The following SPATS2 variants were observed in gnomAD, a reference collection of about 807,000 sequenced individuals.
SPATS2 encodes spermatogenesis-associated serine-rich protein 2.
Under a neutral mutation model 63.7 loss-of-function variants are expected in SPATS2, and 38 were observed. The ratio of observed to expected loss-of-function variants is 0.60; its 90% CI spans 0.46 to 0.78. SPATS2 has a LOEUF of 0.78. SPATS2 is among the 30% of genes least tolerant of loss of function. The probability of loss-of-function intolerance (pLI) is 0.00; values close to 1 mark genes in which losing one functional copy is unlikely to be tolerated. For synonymous variants in SPATS2, 207 were observed against 232.9 expected, an observed-to-expected ratio of 0.89 and a Z score of 1.01; for missense variants, 588 against 666.2, an observed-to-expected ratio of 0.88 and a Z score of 1.29.
intron 9 of SPATS2, among the ~76,000 whole-genome samples, chr12:49,507,213 AAGG>A (rs1946668988): frequency 6.6e-6 from 1 of 152,198 alleles, no homozygotes; most frequent in Non-Finnish European, 1.5e-5. Context: ...AGTAGCGGGA[AAGG>A]TTTTAAGATT....
intron 9 of SPATS2, among the ~76,000 whole-genome samples, chr12:49,500,699 G>A (rs1946551418): frequency 1.3e-5 from 2 of 152,154 alleles, no homozygotes; most frequent in South Asian, 2.1e-4. Flanking sequence ...GTGAACCCGG[G>A]AGGCGGAGCT....
intron 2 of SPATS2, among the ~76,000 whole-genome samples, chr12:49,397,027 C>G (rs1204227794): frequency 6.6e-6 from 1 of 152,174 alleles, no homozygotes; most frequent in Middle Eastern, 3.2e-3. Context: ...CATTCCTACC[C>G]ATGCTACCTG....
chr12:49,471,443 CA>C (rs1229786091), intron 3 of SPATS2, among the ~76,000 whole-genome samples: 1 of 152,198 alleles, frequency 6.6e-6, no homozygotes, highest in African/African-American at 2.4e-5. Flanking sequence ...CTCAAGCGAT[CA>C]TCCTGCCTTA....
intron 3 of SPATS2, 170 bp downstream of exon 3, chr12:49,461,207 A>G: frequency 2.9e-6 from 2 of 688,982 alleles, no homozygotes; most frequent in Non-Finnish European, 2.4e-6. Context: ...AATTCATATA[A>G]CAATAGCTTT....
intron 2 of SPATS2, among the ~76,000 whole-genome samples, chr12:49,371,613 G>A (rs1162647296): frequency 6.6e-6 from 1 of 152,182 alleles, no homozygotes; most frequent in Non-Finnish European, 1.5e-5. Flanking sequence ...AAGAAAAGAG[G>A]TTGAATTGGC....
At position 49,447,439 on chromosome 12, in the gene SPATS2, A is replaced by T. The variant is rs373448325; in HGVS notation, c.-243-13331A>T. On this transcript the variant is annotated intron_variant, in intron 2 of 13. Coordinates refer to ENST00000552918, the MANE Select transcript of SPATS2 (RefSeq NM_023071.4). ...TTTTTAGTAGAGATGGGGTTTCACC[A>T]TGTGAGCCAGGATGGTCTCAATCTC... 4.7e-4 allele frequency among the ~76,000 whole-genome samples: 71 copies of T among 151,954 alleles called. No individual in the cohort carries two copies. The South Asian group carries it at 0.012, about 26-fold the overall frequency.
chr12:49,400,128 A>G (rs958864398), intron 2 of SPATS2, among the ~76,000 whole-genome samples: 2 of 152,190 alleles, frequency 1.3e-5, no homozygotes, highest in Non-Finnish European at 2.9e-5. Flanking sequence ...TTGAGTTTAT[A>G]TTCTGGGGAG....
At position 49,428,676 on chromosome 12, in the gene SPATS2, A is replaced by T. The variant is rs773067601; in HGVS notation, c.-243-32094A>T. Reference sequence around the variant, plus strand: ...TTTATCATCAGTATTGGCACATAGTAGGTTTATGTTAAATAACAGTTGATC... The same window carrying T: ...TTTATCATCAGTATTGGCACATAGTTGGTTTATGTTAAATAACAGTTGATC... On this transcript the variant is annotated intron_variant, in intron 2 of 13. Coordinates refer to ENST00000552918, the MANE Select transcript of SPATS2 (RefSeq NM_023071.4). Among the ~76,000 whole-genome samples, 60 of 152,336 alleles carry T rather than the reference A, an allele frequency of 3.9e-4. No individual in the cohort carries two copies. The Middle Eastern group carries it at 0.01, about 26-fold the overall frequency.
chr12:49,420,758 A>G (rs922647965), intron 2 of SPATS2, among the ~76,000 whole-genome samples: 1 of 152,152 alleles, frequency 6.6e-6, no homozygotes, highest in African/African-American at 2.4e-5. Flanking sequence ...TCACACCCAT[A>G]ATCCTAACAC....
rs1282816981 is a variant in SPATS2 at position 49,372,937 on chromosome 12, G to GTT, written c.-244+1650_-244+1651dup. On this transcript the variant is annotated intron_variant, in intron 2 of 13. Transcript: ENST00000552918. Reference sequence around the variant, plus strand: ...AGCCTAGCCTCTCATTTGATTTTCTGTTTTGTGTGTGTGTGTGTGTGTGTG... The same window carrying GTT: ...AGCCTAGCCTCTCATTTGATTTTCTGTTTTTTGTGTGTGTGTGTGTGTGTGTG... 2.6e-4 allele frequency among the ~76,000 whole-genome samples: 33 copies of GTT among 128,128 alleles called. No homozygotes were observed. The East Asian group carries it at 3.8e-3, about 15-fold the overall frequency. The allele number at this position is 128,128 out of a possible 152,430, so 84.1% of individuals were successfully genotyped here.
At chr12:49,469,560 A>AG (rs753647589) in intron 3 of SPATS2, 14 of 431,952 alleles carry the variant, frequency 3.2e-5, no homozygotes, top group East Asian at 7.0e-5. Context: ...AAAAAAAAAA[A>AG]AAAAGAAAAA....
chr12:49,368,474 TG>T (rs1426008835), intron 1 of SPATS2, among the ~76,000 whole-genome samples: 1 of 152,250 alleles, frequency 6.6e-6, no homozygotes, highest in Non-Finnish European at 1.5e-5. Context: ...CTTGGTTGTT[TG>T]TTTTCAGTTT....
At chr12:49,431,414 A>G (rs1945183595) in intron 2 of SPATS2, among the ~76,000 whole-genome samples, 1 of 151,922 alleles carries the variant, frequency 6.6e-6, no homozygotes, top group Admixed American at 6.6e-5. Context: ...ACGCCCAGCT[A>G]ATCTTTTGCT....
intron 2 of SPATS2, among the ~76,000 whole-genome samples, chr12:49,419,290 C>G (rs1944940744): frequency 6.6e-6 from 1 of 152,174 alleles, no homozygotes; most frequent in African/African-American, 2.4e-5. Flanking sequence ...CAAATTATTT[C>G]CAATCTAAAT....
At chr12:49,459,966 G>A (rs1945792559) in intron 2 of SPATS2, among the ~76,000 whole-genome samples, 1 of 150,092 alleles carries the variant, frequency 6.7e-6, no homozygotes, top group Non-Finnish European at 1.5e-5. Flanking sequence ...AAATTAGCCA[G>A]GTGTGGTGGC....
At chr12:49,454,492 T>C (rs1314124147) in intron 2 of SPATS2, 1 of 152,244 alleles carries the variant, frequency 6.6e-6, no homozygotes, top group Non-Finnish European at 1.5e-5. Context: ...GTTCTTTGAA[T>C]GCAAAAAACA....
chr12:49,376,394 C>T (rs889985641), intron 2 of SPATS2, among the ~76,000 whole-genome samples: 26 of 151,612 alleles, frequency 1.7e-4, no homozygotes, highest in African/African-American at 2.4e-4. Flanking sequence ...TGAGCTATCA[C>T]GCCCGCCCCT....
chr12:49,461,635 A>G (rs1945824204), intron 3 of SPATS2, among the ~76,000 whole-genome samples: 1 of 152,250 alleles, frequency 6.6e-6, no homozygotes, highest in South Asian at 2.1e-4. Context: ...GATTAAAAGA[A>G]TGATCATAGA....
At position 49,526,174 on chromosome 12, in the gene SPATS2, C is replaced by T. The variant is rs746539363; in HGVS notation, c.1557C>T (p.Pro519=). ...GTNGTGVSME[P]SPPTPSFKKG... ...ATGGAACTGGAGTCAGCATGGAGCC[C>T]AGCCCTCCCACGCCTTCATTCAAAA... Residue 519 remains proline (P), a synonymous_variant, in exon 14 of 14, where the codon CCC becomes CCT. Transcript: ENST00000552918. 1 of 1,614,148 alleles carries T rather than the reference C, an allele frequency of 6.2e-7. No homozygotes were observed. Among genetic ancestry groups the T allele is most frequent in the Non-Finnish European group, 8.5e-7 (1 of 1,180,026 alleles).
Sources: allele counts gnomAD v4.1 joint callset (sites outside exome capture counted in the v4.1 genomes callset), GRCh38; gene constraint gnomAD v4.1.1; transcripts MANE v1.5; gene names NCBI Gene and HGNC (gene_info 2026-07-23, HGNC 2026-07-21).